Variants in YTHDC1 observed in about 807,000 individuals in gnomAD.
YTHDC1 encodes YTH N6-methyladenosine RNA binding protein C1.
Under a neutral mutation model 107.0 loss-of-function variants are expected in YTHDC1, and 12 were observed. The observed-to-expected ratio is 0.11, with a 90% CI of 0.07 to 0.18. The LOEUF is 0.18. Ranked by LOEUF, YTHDC1 falls within the 10% of genes least tolerant of loss-of-function variation. YTHDC1 has a pLI of 1.00. For missense variants in YTHDC1, 635 were observed against 898.8 expected (o/e 0.71, Z 3.75); for synonymous variants, 280 against 289.5 (o/e 0.97, Z 0.33).
rs1181403092 is a variant in YTHDC1 at position 68,320,135 on chromosome 4, G to C, written c.1672C>G (p.His558Asp). Residue 558 changes from histidine to aspartate, a missense_variant, in exon 12 of 17, where the codon CAC becomes GAC. Around this residue, in one of 5 missense-constraint regions of YTHDC1, gnomAD observed 256 missense variants for 372.9 expected, o/e 0.69. Coordinates refer to ENST00000344157, the MANE Select transcript of YTHDC1 (RefSeq NM_001031732.4). ...KPRIDYPPEFHQRPGYLKDPR... is the reference protein window; with the variant it reads ...KPRIDYPPEFDQRPGYLKDPR... Reference sequence around the variant, plus strand: ...ATAAAATATTAACCTGGTCTCTGGTGAAACTCAGGGGGATAGTCAATCCTT... The same window carrying C: ...ATAAAATATTAACCTGGTCTCTGGTCAAACTCAGGGGGATAGTCAATCCTT... The C allele has an allele frequency of 6.2e-7, 1 of 1,603,020 alleles. No homozygotes were observed. Among genetic ancestry groups the C allele is most frequent in the African/African-American group, 1.3e-5 (1 of 74,172 alleles).
intron 1 of YTHDC1, among the ~76,000 whole-genome samples, chr4:68,342,044 C>G (rs1724862543): frequency 6.6e-6 from 1 of 152,144 alleles, no homozygotes; most frequent in Non-Finnish European, 1.5e-5. Context: ...GTCCAGAACA[C>G]AAAACAAAAT....
rs1725453931 is a variant in YTHDC1 at position 68,346,456 on chromosome 4, C to A, written c.28+3270G>T. On this transcript the variant is annotated intron_variant, in intron 1 of 16. Coordinates refer to ENST00000344157, the MANE Select transcript of YTHDC1 (RefSeq NM_001031732.4). ...GGTTTTGCTTTTGAGGGTTTGTTAC[C>A]CCCAGTCAACTGAGTCAATCACTGT... Among the ~76,000 whole-genome samples the A allele has an allele frequency of 3.3e-5, 5 of 152,142 alleles. No individual in the cohort carries two copies. The South Asian group carries it at 6.2e-4, about 19-fold the overall frequency.
intron 5 of YTHDC1, 96 bp downstream of exon 5, chr4:68,333,212 G>A (rs560292694): frequency 2.4e-5 from 21 of 866,276 alleles, no homozygotes; most frequent in Middle Eastern, 2.3e-4. Flanking sequence ...AGTGCTAATG[G>A]ACATCAACAA....
chr4:68,318,884 T>C (rs780318759), intron 12 of YTHDC1, 22 bp from the exon 13 acceptor site: 1 of 1,613,250 alleles, frequency 6.2e-7, no homozygotes, highest in Non-Finnish European at 8.5e-7. Context: ...TCAAGCATTT[T>C]AGTAAATCAA....
At chr4:68,316,493 T>G (rs777115908) in intron 15 of YTHDC1, 45 bp from the exon 16 acceptor site, 1 of 1,585,738 alleles carries the variant, frequency 6.3e-7, no homozygotes. Context: ...CCAACACCCT[T>G]GTAAACAAGC....
chr4:68,325,648 G>A (rs1722915056), intron 9 of YTHDC1, among the ~76,000 whole-genome samples: 1 of 152,100 alleles, frequency 6.6e-6, no homozygotes, highest in Non-Finnish European at 1.5e-5. Flanking sequence ...CTCCGAAAAT[G>A]CTAGGATTAC....
intron 9 of YTHDC1, among the ~76,000 whole-genome samples, chr4:68,326,526 G>T (rs1578036455): frequency 6.6e-6 from 1 of 152,178 alleles, no homozygotes; most frequent in Non-Finnish European, 1.5e-5. Flanking sequence ...TTGAGAACAT[G>T]TAAGGGACTC....
chr4:68,320,957 A>G (rs1722387469), intron 11 of YTHDC1, among the ~76,000 whole-genome samples: 1 of 152,174 alleles, frequency 6.6e-6, no homozygotes, highest in Non-Finnish European at 1.5e-5. Flanking sequence ...GAATTTTAAC[A>G]GAGTTCATAA....
At chr4:68,334,237 T>C (rs1307462623) in intron 4 of YTHDC1, among the ~76,000 whole-genome samples, 1 of 152,050 alleles carries the variant, frequency 6.6e-6, no homozygotes, top group Non-Finnish European at 1.5e-5. Flanking sequence ...GATAAGGGAA[T>C]AGGAAGAAAA....
Position 68,329,481 on chromosome 4 carries a change from T to C in YTHDC1, c.1349+521A>G, listed in dbSNP as rs180762306. On this transcript the variant is annotated intron_variant, in intron 9 of 16. Transcript: ENST00000344157. The stretch of plus-strand genomic sequence containing the variant: ...TGCCACGTAAAGATCACTTAAATAA[T>C]GAGCTTCTTGTGTACAATACTTCAG... 2.6e-5 allele frequency among the ~76,000 whole-genome samples: 4 copies of C among 152,312 alleles called. No individual in the cohort carries two copies. The East Asian group carries it at 7.7e-4, about 29-fold the overall frequency.
intron 3 of YTHDC1, 51 bp from the exon 4 acceptor site, chr4:68,337,501 G>C (rs1176825390): frequency 1.9e-6 from 3 of 1,601,016 alleles, no homozygotes; most frequent in East Asian, 2.2e-5. Flanking sequence ...GACAAGGTCA[G>C]GGTGAATAAA....
At chr4:68,320,310 T>C (rs1209676080) in intron 11 of YTHDC1, 105 bp from the exon 12 acceptor site, 5 of 704,372 alleles carry the variant, frequency 7.1e-6, no homozygotes, top group Non-Finnish European at 1.1e-5. Context: ...AACCCATTAT[T>C]TAACATCTTA....
intron 1 of YTHDC1, among the ~76,000 whole-genome samples, chr4:68,342,791 A>T (rs375742893): frequency 1.3e-5 from 2 of 152,156 alleles, no homozygotes; most frequent in South Asian, 4.1e-4. Flanking sequence ...ATACTCTCAC[A>T]AGCTACTGCT....
intron 15 of YTHDC1, 82 bp downstream of exon 15, chr4:68,318,437 A>G (rs1202746676): frequency 4.5e-6 from 6 of 1,343,844 alleles, no homozygotes; most frequent in Non-Finnish European, 6.1e-6. Flanking sequence ...AGTAACTGTA[A>G]CAATCATATT....
At position 68,311,494 on chromosome 4, in the gene YTHDC1, G is replaced by C. The variant is rs1194174831; in HGVS notation, c.*2605C>G. The C allele has an allele frequency of 6.6e-6, 1 of 152,184 alleles. No individual in the cohort carries two copies. Among genetic ancestry groups the C allele is most frequent in the Non-Finnish European group, 1.5e-5 (1 of 68,038 alleles). The allele number at this position is 152,184 out of a possible 1,614,324, so 9.4% of individuals were successfully genotyped here. ...TGTAGATTGTTAGAATCACAGCACA[G>C]TGGAGTACACGAAAGAAACCATGTC... On this transcript the variant is annotated 3_prime_UTR_variant, in exon 17 of 17. Coordinates refer to ENST00000344157, the MANE Select transcript of YTHDC1 (RefSeq NM_001031732.4).
intron 10 of YTHDC1, among the ~76,000 whole-genome samples, 197 bp from the exon 11 acceptor site, chr4:68,323,112 TA>T (rs1275389283): frequency 1.3e-5 from 2 of 152,156 alleles, no homozygotes; most frequent in African/African-American, 2.4e-5. Context: ...GGGTAAAAAC[TA>T]AAAGTGTAGA....
chr4:68,330,590 T>C (rs546133922), intron 7 of YTHDC1, among the ~76,000 whole-genome samples: 1 of 152,262 alleles, frequency 6.6e-6, no homozygotes, highest in East Asian at 1.9e-4. Flanking sequence ...TTCTATATAG[T>C]AAAACCAATC....
chr4:68,348,539 A>C (rs1031468304), intron 1 of YTHDC1, among the ~76,000 whole-genome samples: 9 of 151,798 alleles, frequency 5.9e-5, no homozygotes, highest in African/African-American at 2.2e-4. Context: ...GGAACATTAA[A>C]CTGCTATAAC....
chr4:68,332,176 T>C lies in YTHDC1; in HGVS notation c.1049A>G (p.Tyr350Cys), dbSNP rs1327621070. The C allele has an allele frequency of 6.2e-7, 1 of 1,605,518 alleles. No homozygotes were observed. Among genetic ancestry groups the C allele is most frequent in the East Asian group, 2.2e-5 (1 of 44,528 alleles). Residue 350 changes from tyrosine to cysteine, a missense_variant, in exon 7 of 17, where the codon TAT (tyrosine) becomes TGT (cysteine). Tyr to Cys is a radical substitution (Grantham distance 194). This residue lies in a region of YTHDC1 where 60 missense variants were observed against 172.0 expected (regional missense o/e 0.35). Transcript: ENST00000344157. ...VRKDQTSKLK[Y>C]VLQDARFFLI... is the part of the protein sequence containing the mutation. ...GAAAAATCTTGCATCTTGAAGCACA[T>C]ATTTGAGTTTACTGGTTTGATCTGA...
Sources: allele counts gnomAD v4.1 joint callset (sites outside exome capture counted in the v4.1 genomes callset), GRCh38; gene constraint gnomAD v4.1.1; regional missense constraint gnomAD v4.1.1; transcripts MANE v1.5; gene names NCBI Gene and HGNC (gene_info 2026-07-23, HGNC 2026-07-21).